Variants in ACTR6 observed in about 807,000 individuals in gnomAD.
The protein encoded by ACTR6 is actin-related protein 6.
Under a neutral mutation model 52.5 loss-of-function variants are expected in ACTR6, and 50 were observed. The ratio of observed to expected loss-of-function variants is 0.95; its 90% confidence interval spans 0.76 to 1.20. The LOEUF is 1.20. ACTR6 is among the 50% of genes most tolerant of loss of function. The pLI is 0.00. For synonymous variants in ACTR6, 135 were observed against 147.2 expected (o/e 0.92, Z 0.60); for missense variants, 344 against 472.4 (o/e 0.73, Z 2.52).
chr12:100,209,988 T>C, intron 4 of ACTR6, 85 bp from the exon 5 acceptor site: 1 of 1,213,494 alleles, frequency 8.2e-7, no homozygotes, highest in South Asian at 1.6e-5. Flanking sequence ...ATTTTTGTCT[T>C]GGTGCTTGTC....
intron 4 of ACTR6, 60 bp downstream of exon 4, chr12:100,207,846 C>T: frequency 6.5e-7 from 1 of 1,539,606 alleles, no homozygotes; most frequent in Non-Finnish European, 8.9e-7. Flanking sequence ...TAGGGTAATA[C>T]TCATAAAGTC....
At position 100,220,082 on chromosome 12, in the gene ACTR6, G is replaced by A. The variant is rs1474460830; in HGVS notation, c.997G>A (p.Val333Ile). The A allele has an allele frequency of 2.0e-5, 33 of 1,613,786 alleles. No homozygotes were observed. Among genetic ancestry groups the A allele is most frequent in the Non-Finnish European group, 2.7e-5 (32 of 1,179,936 alleles). ...CCTTTTCCCAGGATTTAGGGATCGG[G>A]TTTACTCAGAAGTTCGATGTCTTAC... ...NSLFPGFRDR[V>I]YSEVRCLTPT... is the part of the protein sequence containing the mutation. The change falls in exon 10 of 11, where the codon GTT becomes ATT. Residue 333 changes from valine to isoleucine, a missense_variant. Val to Ile is a conservative substitution (Grantham distance 29). Coordinates refer to ENST00000188312, the MANE Select transcript of ACTR6 (RefSeq NM_022496.5).
At chr12:100,220,396 C>T (rs1566298259) in intron 10 of ACTR6, among the ~76,000 whole-genome samples, 1 of 152,154 alleles carries the variant, frequency 6.6e-6, no homozygotes, top group Non-Finnish European at 1.5e-5. Flanking sequence ...GGGGTGATTA[C>T]TCCCATGTAG....
intron 4 of ACTR6, 145 bp from the exon 5 acceptor site, chr12:100,209,928 C>A: frequency 1.8e-6 from 1 of 561,020 alleles, no homozygotes; most frequent in Non-Finnish European, 2.9e-6. Context: ...GATCTTTTGA[C>A]AGTTATGAAT....
Position 100,213,395 on chromosome 12 carries a change from C to T in ACTR6, c.750+867C>T, listed in dbSNP as rs997956951. ...CGTGAGCCACAGCTCCTTGGGCCTT[C>T]GAGAGTTGTTGATTACTACCTTCCT... On this transcript the variant is annotated intron_variant, in intron 8 of 10. Transcript: ENST00000188312. Among the ~76,000 whole-genome samples, 5 of 152,140 alleles carry T rather than the reference C, an allele frequency of 3.3e-5. No homozygotes were observed. The South Asian group carries it at 1.0e-3, about 32-fold the overall frequency.
chr12:100,200,859 C>A lies in ACTR6; in HGVS notation c.8C>A (p.Thr3Asn). The change falls in exon 1 of 11, where the codon ACC becomes AAC. Residue 3 changes from threonine (T) to asparagine (N), a missense_variant. By Grantham distance (65) the Thr-to-Asn change is moderately conservative. Coordinates refer to ENST00000188312, the MANE Select transcript of ACTR6 (RefSeq NM_022496.5). The part of the protein sequence containing the change: MT[T>N]LVLDNGAYNA... ...GGTGTGGTTGGTGGTGAGATGACGACCTTAGTGCTGGATAATGGAGCTTAC... is the reference window on the plus strand; with the variant it reads ...GGTGTGGTTGGTGGTGAGATGACGAACTTAGTGCTGGATAATGGAGCTTAC... 1 of 1,614,098 alleles carries A rather than the reference C, an allele frequency of 6.2e-7. No homozygotes were observed. Among genetic ancestry groups the A allele is most frequent in the Non-Finnish European group, 8.5e-7 (1 of 1,180,004 alleles).
chr12:100,221,389 C>T (rs1241328053), intron 10 of ACTR6, among the ~76,000 whole-genome samples: 6 of 152,088 alleles, frequency 3.9e-5, no homozygotes, highest in Admixed American at 3.3e-4. Context: ...AATGAATAAA[C>T]AATTTAAAAA....
At chr12:100,209,799 G>A (rs186980448) in intron 4 of ACTR6, among the ~76,000 whole-genome samples, 134 of 152,274 alleles carry the variant, frequency 8.8e-4, no homozygotes, top group Non-Finnish European at 1.5e-3. Flanking sequence ...GTAAAAATGA[G>A]CTGCTGTTGT....
In ACTR6 at chr12:100,220,005, A is replaced by C. The variant is rs761755055; in HGVS notation, c.923-3A>C. Reference sequence around the variant, plus strand: ...CTTTCCTTCTCCTTTTCTTCTTTTAAAGAAATGCAGCCGCATTTTTTTAAG... The same window carrying C: ...CTTTCCTTCTCCTTTTCTTCTTTTACAGAAATGCAGCCGCATTTTTTTAAG... On this transcript the variant is annotated splice_region_variant and splice_polypyrimidine_tract_variant and intron_variant, in intron 9 of 10. Transcript: ENST00000188312. 1 of 1,611,126 alleles carries C rather than the reference A, an allele frequency of 6.2e-7. No homozygotes were observed. Among genetic ancestry groups the C allele is most frequent in the Non-Finnish European group, 8.5e-7 (1 of 1,179,064 alleles).
At chr12:100,212,575 A>G in intron 8 of ACTR6, 47 bp downstream of exon 8, 2 of 1,433,088 alleles carry the variant, frequency 1.4e-6, no homozygotes, top group South Asian at 1.1e-5. Context: ...GCTCCTGTCT[A>G]TAATCCCAGC....
At chr12:100,220,863 T>A (rs942490434) in intron 10 of ACTR6, among the ~76,000 whole-genome samples, 1 of 152,048 alleles carries the variant, frequency 6.6e-6, no homozygotes, top group Non-Finnish European at 1.5e-5. Context: ...GGTGTGCACC[T>A]GTAGTCCCAG....
intron 3 of ACTR6, 149 bp from the exon 4 acceptor site, chr12:100,207,514 C>A: frequency 1.5e-6 from 1 of 671,114 alleles, no homozygotes. Flanking sequence ...TTTAACTTTT[C>A]TGTGCCTCAG....
rs1255610827 is a variant in ACTR6 at position 100,204,827 on chromosome 12, G to C, written c.69-113G>C. 4.4e-6 allele frequency: 3 copies of C among 683,706 alleles called. No individual in the cohort carries two copies. The East Asian group carries it at 8.0e-5, about 18-fold the overall frequency. 42.4% of individuals were successfully genotyped at this position (683,706 alleles called of 1,614,324 possible). A position where few individuals can be genotyped will look rare whatever the true frequency, so the allele number is the denominator to read the frequency against. Reference sequence around the variant, plus strand: ...TTTTAAGACAGAATGAGAAACACTGGATATACCAATCTTAGGATACGCTAA... The same window carrying C: ...TTTTAAGACAGAATGAGAAACACTGCATATACCAATCTTAGGATACGCTAA... On this transcript the variant is annotated intron_variant, in intron 1 of 10. Transcript: ENST00000188312.
chr12:100,218,361 A>AAAT lies in ACTR6; in HGVS notation c.751-54_751-53insAAT. ...ATATAATTGCATATTACTAATTATT[A>AAAT]GTCATGTGAGCTAGATAATATAACT... On this transcript the variant is annotated intron_variant, in intron 8 of 10. Coordinates refer to ENST00000188312, the MANE Select transcript of ACTR6 (RefSeq NM_022496.5). The surrounding 1 kb of genome is among the most constrained non-coding windows in gnomAD (Gnocchi z 4.2). 1 of 1,291,888 alleles carries AAAT rather than the reference A, an allele frequency of 7.7e-7. No individual in the cohort carries two copies. Among genetic ancestry groups the AAAT allele is most frequent in the African/African-American group, 1.5e-5 (1 of 65,722 alleles). The allele number at this position is 1,291,888 out of a possible 1,614,324, so 80.0% of individuals were successfully genotyped here.
chr12:100,205,661 A>G lies in ACTR6; in HGVS notation c.187-15A>G, dbSNP rs758238959. The G allele has an allele frequency of 5.4e-6, 8 of 1,473,250 alleles. No individual in the cohort carries two copies. Among genetic ancestry groups the G allele is most frequent in the Non-Finnish European group, 7.3e-6 (8 of 1,101,394 alleles). 91.3% of individuals were successfully genotyped at this position (1,473,250 alleles called of 1,614,324 possible). On this transcript the variant is annotated splice_polypyrimidine_tract_variant and intron_variant, in intron 2 of 10. Transcript: ENST00000188312. Reference sequence around the variant, plus strand: ...AAATGTTCTTGATAATTAAATTTATAAAAACATTTTTTAGGGCTACTTGGT... The same window carrying G: ...AAATGTTCTTGATAATTAAATTTATGAAAACATTTTTTAGGGCTACTTGGT...
At chr12:100,215,163 C>G (rs1198064405) in intron 8 of ACTR6, among the ~76,000 whole-genome samples, 6 of 152,166 alleles carry the variant, frequency 3.9e-5, no homozygotes, top group Non-Finnish European at 7.3e-5. Flanking sequence ...GAAAACAAAA[C>G]AAAACCTGTA....
intron 10 of ACTR6, chr12:100,221,571 AAT>A (rs1411904187): frequency 1.3e-5 from 2 of 152,050 alleles, no homozygotes; most frequent in Non-Finnish European, 2.9e-5. Context: ...TATATGTATA[AAT>A]ATATGTGTAT....
At chr12:100,204,717 T>C (rs543932158) in intron 1 of ACTR6, among the ~76,000 whole-genome samples, 3 of 152,278 alleles carry the variant, frequency 2.0e-5, no homozygotes, top group Admixed American at 1.3e-4. Context: ...TAGGCTGGTC[T>C]TGAACTCCTG....
intron 6 of ACTR6, among the ~76,000 whole-genome samples, chr12:100,211,996 A>C (rs912493087): frequency 6.6e-6 from 1 of 152,178 alleles, no homozygotes; most frequent in African/African-American, 2.4e-5. Flanking sequence ...TTTGATCTTT[A>C]GTTAGATAAA....
Sources: allele counts gnomAD v4.1 joint callset (sites outside exome capture counted in the v4.1 genomes callset), GRCh38; gene constraint gnomAD v4.1.1; non-coding constraint Gnocchi (gnomAD v3.1); transcripts MANE v1.5; gene names NCBI Gene and HGNC (gene_info 2026-07-23, HGNC 2026-07-21).